The following DMGDH variants were observed in gnomAD, a reference collection of about 807,000 sequenced individuals.
The protein encoded by DMGDH is dimethylglycine dehydrogenase, mitochondrial.
In DMGDH, 76 loss-of-function variants were observed where a neutral mutation model predicts 95.2. That is an observed-to-expected ratio of 0.80 (90% CI 0.66 to 0.97). DMGDH has a LOEUF of 0.97. Among genes scored for constraint, DMGDH ranks in the 50% least tolerant of loss-of-function variants. The pLI, the probability that DMGDH is intolerant of heterozygous loss-of-function variation, is 0.00. For missense variants in DMGDH, 987 were observed against 1,055.0 expected (o/e 0.94, Z 0.89); for synonymous variants, 345 against 377.6 (o/e 0.91, Z 1.00).
chr5:79,057,823 T>C (rs1287092430), intron 2 of DMGDH, among the ~76,000 whole-genome samples: 1 of 152,178 alleles, frequency 6.6e-6, no homozygotes, highest in Non-Finnish European at 1.5e-5. Flanking sequence ...AGTTGAGAAA[T>C]CTGGTCATCA....
chr5:79,029,913 T>C lies in DMGDH; in HGVS notation c.1805A>G (p.His602Arg), dbSNP rs749569950. 2.5e-6 allele frequency: 4 copies of C among 1,614,018 alleles called. No homozygotes were observed. Among genetic ancestry groups the C allele is most frequent in the East Asian group, 4.5e-5 (2 of 44,848 alleles). ...CTAGGTGTGCACTTACCTAAGATCA[T>C]GAAGTTCTGATCCAGAGCCAGTAAT... is the stretch of plus-strand genomic sequence containing the variant. ...LLITGSGSEL[H>R]DLRWIEEEAV... Residue 602 changes from histidine to arginine, a missense_variant, in exon 11 of 16, where the codon CAT becomes CGT. His to Arg is a conservative substitution (Grantham distance 29, BLOSUM62 0). Transcript: ENST00000255189.
intron 2 of DMGDH, among the ~76,000 whole-genome samples, chr5:79,056,726 A>C (rs1219791900): frequency 2.0e-5 from 3 of 151,098 alleles, no homozygotes; most frequent in Admixed American, 2.0e-4. Context: ...ATGGTGGTGC[A>C]AGCCTGCAGT....
chr5:79,045,792 A>C (rs1754655211), intron 5 of DMGDH, among the ~76,000 whole-genome samples: 1 of 152,116 alleles, frequency 6.6e-6, no homozygotes, highest in Admixed American at 6.6e-5. Context: ...TGTTTTTCTG[A>C]ATCTAATAAG....
chr5:79,021,043 G>A lies in DMGDH; in HGVS notation c.2250+3228C>T, dbSNP rs751491167. 30 of 985,568 alleles carry A rather than the reference G, an allele frequency of 3.0e-5. No homozygotes were observed. In the Admixed American group the frequency reaches 6.1e-4, roughly 20 times the overall value. 61.1% of individuals were successfully genotyped at this position (985,568 alleles called of 1,614,324 possible). The stretch of plus-strand genomic sequence containing the variant: ...TTTCCTCCCAAAAGTTACTTCCTTT[G>A]GAACATACCAAAAATACCATTGAGA... On this transcript the variant is annotated intron_variant, in intron 14 of 15. Coordinates refer to ENST00000255189, the MANE Select transcript of DMGDH (RefSeq NM_013391.3).
chr5:79,027,830 C>T (rs1358216092), intron 12 of DMGDH, among the ~76,000 whole-genome samples: 1 of 145,912 alleles, frequency 6.9e-6, no homozygotes, highest in Non-Finnish European at 1.5e-5. Context: ...CAATCCTCTT[C>T]CCCACTTTTC....
rs1730129562 is a variant in DMGDH at position 79,020,583 on chromosome 5, G to GT, written c.2250+3687dup. On this transcript the variant is annotated intron_variant, in intron 14 of 15. Transcript: ENST00000255189. ...TTTACCAGCTTTTTTGGGTTGTTTT[G>GT]TTTTTGGTTATCGAACAGTTATGCT... 12 of 866,568 alleles carry GT rather than the reference G, an allele frequency of 1.4e-5. No homozygotes were observed. The South Asian group carries it at 5.8e-4, about 42-fold the overall frequency. 53.7% of individuals were successfully genotyped at this position (866,568 alleles called of 1,614,324 possible). A position where few individuals can be genotyped will look rare whatever the true frequency, so the allele number is the denominator to read the frequency against.
At chr5:79,031,796 A>G (rs1754185278) in intron 9 of DMGDH, among the ~76,000 whole-genome samples, 1 of 152,222 alleles carries the variant, frequency 6.6e-6, no homozygotes. Context: ...TAAATGGTAG[A>G]AAAAACTTAG....
At chr5:79,051,743 A>C (rs1303333505) in intron 4 of DMGDH, among the ~76,000 whole-genome samples, 2 of 152,202 alleles carry the variant, frequency 1.3e-5, no homozygotes, top group Non-Finnish European at 2.9e-5. Context: ...AGACAAATCT[A>C]ATTCCAACTG....
chr5:79,037,452 A>T (rs1447739047), intron 7 of DMGDH, among the ~76,000 whole-genome samples: 1 of 152,210 alleles, frequency 6.6e-6, no homozygotes, highest in Non-Finnish European at 1.5e-5. Flanking sequence ...CCATTATATT[A>T]CATAAGAAAT....
rs532859535 is a variant in DMGDH, at chr5:79,017,966, A to G, written c.2250+6305T>C. On this transcript the variant is annotated intron_variant, in intron 14 of 15. Transcript: ENST00000255189. ...TTTGTAATAGCCCTAAACTGGAAAC[A>G]TCCCAAATATTTATCAATGAGTGAG... Among the ~76,000 whole-genome samples, 7 of 152,362 alleles carry G rather than the reference A, an allele frequency of 4.6e-5. No homozygotes were observed. In the South Asian group the frequency reaches 1.0e-3, roughly 23 times the overall value.
At chr5:79,065,625 AAT>A (rs1755355993) in intron 1 of DMGDH, among the ~76,000 whole-genome samples, 1 of 152,222 alleles carries the variant, frequency 6.6e-6, no homozygotes, top group Non-Finnish European at 1.5e-5. Flanking sequence ...TATACTCTAA[AAT>A]GATGATTTAA....
intron 14 of DMGDH, among the ~76,000 whole-genome samples, chr5:79,015,241 A>G (rs947819303): frequency 6.6e-6 from 1 of 152,132 alleles, no homozygotes; most frequent in Non-Finnish European, 1.5e-5. Flanking sequence ...CTCATGTGGT[A>G]TCCACCCTTC....
At chr5:79,015,748 T>A (rs558673161) in intron 14 of DMGDH, among the ~76,000 whole-genome samples, 2 of 152,272 alleles carry the variant, frequency 1.3e-5, no homozygotes, top group South Asian at 2.1e-4. Flanking sequence ...GCAAAATTTT[T>A]AAAAATTATC....
chr5:79,061,235 ACACACAC>A (rs1755201216), intron 2 of DMGDH, among the ~76,000 whole-genome samples: 1 of 138,804 alleles, frequency 7.2e-6, no homozygotes, highest in African/African-American at 3.3e-5. Flanking sequence ...ACACACACAC[ACACACAC>A]ACACACACAC....
intron 14 of DMGDH, among the ~76,000 whole-genome samples, chr5:79,023,335 A>AC (rs2112615090): frequency 6.6e-6 from 1 of 152,008 alleles, no homozygotes; most frequent in African/African-American, 2.4e-5. Context: ...ACTACCACTC[A>AC]CCCCAGCTCT....
intron 14 of DMGDH, among the ~76,000 whole-genome samples, chr5:79,018,294 C>T (rs1005528183): frequency 6.6e-6 from 1 of 152,154 alleles, no homozygotes; most frequent in African/African-American, 2.4e-5. Context: ...CCACCTCCAC[C>T]TCCCAAAGTG....
chr5:79,054,879 T>C (rs1366535348), intron 3 of DMGDH, among the ~76,000 whole-genome samples: 1 of 152,308 alleles, frequency 6.6e-6, no homozygotes, highest in African/African-American at 2.4e-5. Context: ...AAGTTACTTG[T>C]AGGGAGGACC....
At chr5:79,015,194 C>A (rs1243415266) in intron 14 of DMGDH, among the ~76,000 whole-genome samples, 1 of 152,152 alleles carries the variant, frequency 6.6e-6, no homozygotes, top group African/African-American at 2.4e-5. Context: ...ATCCACAGTT[C>A]ATTAACATCC....
chr5:79,068,278 TGTTA>T (rs1275421152), intron 1 of DMGDH, among the ~76,000 whole-genome samples: 1 of 151,084 alleles, frequency 6.6e-6, no homozygotes, highest in African/African-American at 2.5e-5. Context: ...TCAGTTTGTT[TGTTA>T]AATTTCCATT....
Sources: allele counts gnomAD v4.1 joint callset (sites outside exome capture counted in the v4.1 genomes callset), GRCh38; gene constraint gnomAD v4.1.1; transcripts MANE v1.5; gene names NCBI Gene and HGNC (gene_info 2026-07-23, HGNC 2026-07-21).